MARK3: variants seen among roughly 807,000 people sequenced by gnomAD.
MARK3 encodes MAP/microtubule affinity-regulating kinase 3.
MARK3 carries 46 observed loss-of-function variants against 90.1 expected under a neutral mutation model. That is an observed-to-expected ratio of 0.51 (90% confidence interval 0.40 to 0.65). The LOEUF is 0.65. Ranked by LOEUF, MARK3 falls within the 30% of genes least tolerant of loss-of-function variation. MARK3 has a pLI of 0.00. For missense variants in MARK3, 818 were observed against 947.2 expected (o/e 0.86, Z 1.79); for synonymous variants, 321 against 332.6 (o/e 0.97, Z 0.38).
chr14:103,457,750 T>C (rs1360526579), intron 6 of MARK3, among the ~76,000 whole-genome samples: 3 of 152,212 alleles, frequency 2.0e-5, no homozygotes, highest in Non-Finnish European at 4.4e-5. Flanking sequence ...CTATTGACCA[T>C]GCCACACACT....
chr14:103,430,498 G>C (rs2092550564), intron 3 of MARK3, among the ~76,000 whole-genome samples: 1 of 151,388 alleles, frequency 6.6e-6, no homozygotes, highest in Non-Finnish European at 1.5e-5. Context: ...TATCACACTT[G>C]CTTCAGGAAC....
intron 1 of MARK3, chr14:103,386,473 TCACATTAATAA>T (rs1022676771): frequency 6.0e-6 from 3 of 501,716 alleles, no homozygotes; most frequent in African/African-American, 5.8e-5. Flanking sequence ...TGAGAGACTG[TCACATTAATAA>T]CATATGTTAC....
At chr14:103,467,459 G>A (rs1329854217) in intron 11 of MARK3, 4 of 227,444 alleles carry the variant, frequency 1.8e-5, no homozygotes, top group Non-Finnish European at 3.4e-5. Context: ...GAGACCAGGA[G>A]TTCGAGACCA....
intron 3 of MARK3, among the ~76,000 whole-genome samples, chr14:103,443,545 T>C (rs555443455): frequency 6.6e-6 from 1 of 152,206 alleles, no homozygotes; most frequent in South Asian, 2.1e-4. Context: ...AGTCCAGGAA[T>C]TGAGTACTGA....
At chr14:103,400,615 G>T (rs1555370914) in intron 1 of MARK3, among the ~76,000 whole-genome samples, 1 of 152,102 alleles carries the variant, frequency 6.6e-6, no homozygotes, top group Non-Finnish European at 1.5e-5. Flanking sequence ...TTATAAAGTA[G>T]TCCAGGTATG....
intron 3 of MARK3, among the ~76,000 whole-genome samples, chr14:103,439,162 T>C (rs1223036692): frequency 6.6e-6 from 1 of 152,160 alleles, no homozygotes; most frequent in African/African-American, 2.4e-5. Context: ...CATATAAATA[T>C]GTATATGAGA....
At chr14:103,465,053 T>C (rs1555394070) in intron 7 of MARK3, among the ~76,000 whole-genome samples, 2 of 152,124 alleles carry the variant, frequency 1.3e-5, no homozygotes, top group Admixed American at 6.5e-5. Flanking sequence ...CTGCAACCTC[T>C]GCCTCCCGAG....
At chr14:103,419,622 A>G (rs984957793) in intron 2 of MARK3, among the ~76,000 whole-genome samples, 3 of 152,142 alleles carry the variant, frequency 2.0e-5, no homozygotes, top group African/African-American at 7.2e-5. Context: ...GAAGTGTATA[A>G]AGAAATGTAG....
intron 2 of MARK3, among the ~76,000 whole-genome samples, chr14:103,415,771 A>G (rs1304603764): frequency 2.0e-5 from 3 of 152,228 alleles, no homozygotes; most frequent in Non-Finnish European, 4.4e-5. Flanking sequence ...GCATGCACAT[A>G]GCTTAACAAG....
intron 6 of MARK3, among the ~76,000 whole-genome samples, chr14:103,461,025 A>G (rs1016324056): frequency 1.3e-5 from 2 of 152,204 alleles, no homozygotes; most frequent in Admixed American, 6.5e-5. Flanking sequence ...ATCTCATCCT[A>G]ACCCCAGTTC....
intron 3 of MARK3, among the ~76,000 whole-genome samples, chr14:103,444,485 A>G (rs2092943073): frequency 6.6e-6 from 1 of 152,234 alleles, no homozygotes; most frequent in Non-Finnish European, 1.5e-5. Context: ...TTGTATTAAG[A>G]TAGTAGAAAT....
At chr14:103,422,384 G>A (rs1463238397) in intron 2 of MARK3, among the ~76,000 whole-genome samples, 1 of 152,216 alleles carries the variant, frequency 6.6e-6, no homozygotes, top group Non-Finnish European at 1.5e-5. Context: ...GAACCCAGGA[G>A]GTGGAGGTTG....
At chr14:103,438,626 A>G (rs74946850) in intron 3 of MARK3, among the ~76,000 whole-genome samples, 7,135 of 152,264 alleles carry the variant, frequency 0.047, 590 homozygotes, top group African/African-American at 0.16. Flanking sequence ...GATTCTAGGA[A>G]TCTTGACCAC....
chr14:103,457,281 G>T, intron 6 of MARK3, 69 bp downstream of exon 6: 1 of 1,186,480 alleles, frequency 8.4e-7, no homozygotes, highest in Non-Finnish European at 1.2e-6. Context: ...AAGCAAACAA[G>T]TGTTTGCCTC....
intron 12 of MARK3, among the ~76,000 whole-genome samples, chr14:103,473,613 C>T (rs1369634747): frequency 1.3e-5 from 2 of 152,118 alleles, no homozygotes; most frequent in Admixed American, 1.3e-4. Context: ...GTTGTTCTCC[C>T]ACAAATAAAA....
chr14:103,426,522 C>A (rs2141016611), intron 2 of MARK3, among the ~76,000 whole-genome samples: 1 of 152,202 alleles, frequency 6.6e-6, no homozygotes, highest in African/African-American at 2.4e-5. Flanking sequence ...CCTCTTTGAT[C>A]TTATGGGGGT....
chr14:103,388,759 T>G (rs1202409155), intron 1 of MARK3, among the ~76,000 whole-genome samples: 1 of 152,188 alleles, frequency 6.6e-6, no homozygotes, highest in Non-Finnish European at 1.5e-5. Context: ...GCTATGTAAA[T>G]GGAGTCACAG....
chr14:103,454,445 T>C (rs1206924928), intron 5 of MARK3, among the ~76,000 whole-genome samples: 1 of 152,112 alleles, frequency 6.6e-6, no homozygotes, highest in Non-Finnish European at 1.5e-5. Context: ...AGACAAGGTT[T>C]TGCCACATTG....
chr14:103,418,953 G>A (rs889296242), intron 2 of MARK3, among the ~76,000 whole-genome samples: 1 of 152,124 alleles, frequency 6.6e-6, no homozygotes, highest in Non-Finnish European at 1.5e-5. Context: ...CCATTGATGA[G>A]AACAGCAGTT....
Sources: allele counts gnomAD v4.1 joint callset (sites outside exome capture counted in the v4.1 genomes callset), GRCh38; gene constraint gnomAD v4.1.1; transcripts MANE v1.5; gene names NCBI Gene and HGNC (gene_info 2026-07-23, HGNC 2026-07-21).